DCC: variants seen among roughly 807,000 people sequenced by gnomAD.
DCC encodes netrin receptor DCC.
Under a neutral mutation model 172.5 loss-of-function variants are expected in DCC, and 58 were observed. That is an observed-to-expected ratio of 0.34 (90% CI 0.27 to 0.42). The LOEUF is 0.42. Ranked by LOEUF, DCC falls within the 10% of genes least tolerant of loss-of-function variation. DCC has a pLI of 1.00. For synonymous variants in DCC, 709 were observed against 644.5 expected (o/e 1.10, Z -1.52); for missense variants, 1,740 against 1,791.0 (o/e 0.97, Z 0.51).
intron 1 of DCC, among the ~76,000 whole-genome samples, chr18:52,504,578 G>A (rs1193692913): frequency 6.6e-6 from 1 of 152,158 alleles, no homozygotes; most frequent in East Asian, 1.9e-4. Flanking sequence ...TGGGATCCCT[G>A]GCCCCTGCCA....
intron 1 of DCC, among the ~76,000 whole-genome samples, chr18:52,528,310 A>G (rs1568213788): frequency 6.6e-6 from 1 of 152,238 alleles, no homozygotes; most frequent in Non-Finnish European, 1.5e-5. Flanking sequence ...TCCAAGATAT[A>G]TTTCGAATAT....
At chr18:52,997,786 C>T (rs767917307) in intron 5 of DCC, among the ~76,000 whole-genome samples, 5 of 152,062 alleles carry the variant, frequency 3.3e-5, no homozygotes, top group East Asian at 1.9e-4. Context: ...AACGAGTATT[C>T]GCAGTTTTTT....
rs190728552 is a variant in DCC, at chr18:52,573,308, G to T, written c.92-178746G>T. ...CTATCCTATGGATATAATGAAGTTA[G>T]GGGGCAAGAAGGAGAGCTTTTATTC... On this transcript the variant is annotated intron_variant, in intron 1 of 28. Transcript: ENST00000442544. Among the ~76,000 whole-genome samples the T allele has an allele frequency of 1.9e-3, 285 of 152,182 alleles. 1 individual carries two copies. The highest frequency in any genetic ancestry group is 6.7e-3 in the African/African-American group (277 of 41,516).
At chr18:53,338,896 A>C (rs2057621569) in intron 14 of DCC, among the ~76,000 whole-genome samples, 1 of 152,212 alleles carries the variant, frequency 6.6e-6, no homozygotes, top group South Asian at 2.1e-4. Context: ...CAGGTAGGGA[A>C]CTGAGGCTTA....
intron 16 of DCC, among the ~76,000 whole-genome samples, chr18:53,387,235 C>A (rs560736070): frequency 3.9e-5 from 6 of 152,214 alleles, no homozygotes; most frequent in Non-Finnish European, 7.4e-5. Flanking sequence ...GTACAAGCTT[C>A]ATTCATAGAC....
At chr18:52,357,296 C>T (rs55952340) in intron 1 of DCC, among the ~76,000 whole-genome samples, 1 of 152,082 alleles carries the variant, frequency 6.6e-6, no homozygotes, top group African/African-American at 2.4e-5. Context: ...CAAGATAAGG[C>T]TGGAGCATCT....
intron 7 of DCC, among the ~76,000 whole-genome samples, chr18:53,069,224 A>C (rs1280704565): frequency 6.6e-6 from 1 of 152,216 alleles, no homozygotes; most frequent in Non-Finnish European, 1.5e-5. Flanking sequence ...GGGGTTAATC[A>C]GAAGCCAACA....
intron 5 of DCC, among the ~76,000 whole-genome samples, chr18:52,988,132 G>GAATATAGT (rs1403994413): frequency 1.3e-5 from 2 of 152,154 alleles, no homozygotes; most frequent in Non-Finnish European, 2.9e-5. Context: ...GGATATTACA[G>GAATATAGT]AATATAGTAT....
At chr18:52,490,410 G>T (rs1469491527) in intron 1 of DCC, among the ~76,000 whole-genome samples, 1 of 151,990 alleles carries the variant, frequency 6.6e-6, no homozygotes, top group Non-Finnish European at 1.5e-5. Context: ...ATAACCTTAG[G>T]GTGAGAATTA....
At chr18:53,464,979 CAAAAAAA>C (rs71179510) in intron 24 of DCC, among the ~76,000 whole-genome samples, 13 of 54,840 alleles carry the variant, frequency 2.4e-4, no homozygotes, top group Non-Finnish European at 4.9e-4. Context: ...AACTCAATCT[CAAAAAAA>C]AAAAAAAAAA....
chr18:53,000,438 C>T (rs62097900), intron 5 of DCC, among the ~76,000 whole-genome samples: 51,621 of 151,634 alleles, frequency 0.34, 9,996 homozygotes, highest in Non-Finnish European at 0.45. Context: ...TGCAATTATA[C>T]GTAAAACTTG....
intron 1 of DCC, among the ~76,000 whole-genome samples, chr18:52,639,645 A>T (rs1189876530): frequency 6.6e-6 from 1 of 152,026 alleles, no homozygotes; most frequent in Admixed American, 6.6e-5. Context: ...AATAACAAGC[A>T]GTGAGACTGA....
chr18:52,770,031 G>A (rs1428494978), intron 2 of DCC, among the ~76,000 whole-genome samples: 2 of 152,164 alleles, frequency 1.3e-5, no homozygotes, highest in African/African-American at 4.8e-5. Flanking sequence ...CATACACAGA[G>A]GAGAGTTGTC....
At chr18:52,447,277 G>T (rs771590740) in intron 1 of DCC, among the ~76,000 whole-genome samples, 6 of 152,214 alleles carry the variant, frequency 3.9e-5, no homozygotes, top group Non-Finnish European at 5.9e-5. Context: ...CAAGTAGCCA[G>T]TGCTAAAGAT....
At chr18:53,319,702 A>AG (rs1391310307) in intron 13 of DCC, among the ~76,000 whole-genome samples, 2 of 152,216 alleles carry the variant, frequency 1.3e-5, no homozygotes, top group African/African-American at 4.8e-5. Context: ...GGCCATTAAG[A>AG]GGGGCAGGCT....
At chr18:53,314,808 C>T (rs950524159) in intron 13 of DCC, among the ~76,000 whole-genome samples, 5 of 152,078 alleles carry the variant, frequency 3.3e-5, no homozygotes, top group African/African-American at 9.7e-5. Flanking sequence ...CTACAGGATG[C>T]TAAAACTTCC....
intron 5 of DCC, among the ~76,000 whole-genome samples, chr18:53,019,588 A>G (rs1169370159): frequency 6.6e-6 from 1 of 152,074 alleles, no homozygotes; most frequent in Non-Finnish European, 1.5e-5. Flanking sequence ...CTTCCTTTTC[A>G]TAAAATATTA....
intron 22 of DCC, among the ~76,000 whole-genome samples, chr18:53,447,496 AT>A (rs796877999): frequency 2.6e-5 from 4 of 151,932 alleles, no homozygotes; most frequent in Admixed American, 2.6e-4. Context: ...ATTCAGAGTT[AT>A]TTTTTTTGAC....
At chr18:52,943,944 G>T (rs866147810) in intron 5 of DCC, among the ~76,000 whole-genome samples, 85 of 152,178 alleles carry the variant, frequency 5.6e-4, no homozygotes, top group African/African-American at 2.0e-3. Context: ...TTTTATTAGA[G>T]GCAGAGTTTT....
Sources: gnomAD v4.1 joint callset for allele counts (sites outside exome capture counted in the v4.1 genomes callset) on GRCh38, gnomAD v4.1.1 for gene constraint, MANE v1.5 for transcripts, NCBI Gene and HGNC (gene_info 2026-07-23, HGNC 2026-07-21) for gene names.